The following SLC23A2 variants were observed in gnomAD, a reference collection of about 807,000 sequenced individuals.
SLC23A2 encodes solute carrier family 23 member 2, also known as Na(+)/L-ascorbic acid transporter 2.
Under a neutral mutation model 73.3 loss-of-function variants are expected in SLC23A2, and 36 were observed. The observed-to-expected ratio is 0.49, with a 90% CI of 0.38 to 0.65. The LOEUF (loss-of-function observed/expected upper bound fraction) is 0.65, where lower values mean the gene tolerates loss of function less well. Ranked by LOEUF, SLC23A2 falls within the 30% of genes least tolerant of loss-of-function variation. SLC23A2 has a pLI of 0.00. For synonymous variants in SLC23A2, 343 were observed against 327.3 expected (o/e 1.05, Z -0.52); for missense variants, 507 against 841.6 (o/e 0.60, Z 4.92).
chr20:4,944,038 T>C (rs564441125), intron 2 of SLC23A2, among the ~76,000 whole-genome samples: 1 of 152,350 alleles, frequency 6.6e-6, no homozygotes, highest in South Asian at 2.1e-4. Context: ...TTTGGAATGA[T>C]AGAAATCTAC....
At chr20:4,877,571 G>A (rs1307619094) in intron 9 of SLC23A2, among the ~76,000 whole-genome samples, 1 of 152,138 alleles carries the variant, frequency 6.6e-6, no homozygotes, top group Non-Finnish European at 1.5e-5. Context: ...TAACAATCAT[G>A]AGATTTTTTT....
At chr20:4,992,531 G>A (rs548854212) in intron 1 of SLC23A2, among the ~76,000 whole-genome samples, 5 of 140,828 alleles carry the variant, frequency 3.6e-5, no homozygotes, top group African/African-American at 1.0e-4. Flanking sequence ...TTTTGGAGAC[G>A]GAGTTTTTCG....
At chr20:4,971,405 TG>T (rs2087558904) in intron 1 of SLC23A2, among the ~76,000 whole-genome samples, 1 of 151,810 alleles carries the variant, frequency 6.6e-6, no homozygotes, top group South Asian at 2.1e-4. Context: ...GAGAATCACC[TG>T]AGCCCAGGAG....
At chr20:4,921,088 T>C (rs1932487083) in intron 3 of SLC23A2, among the ~76,000 whole-genome samples, 1 of 152,226 alleles carries the variant, frequency 6.6e-6, no homozygotes, top group Non-Finnish European at 1.5e-5. Context: ...TGTTATTTAT[T>C]ATAGCAAAGC....
At chr20:4,928,805 C>G (rs1160738899) in intron 3 of SLC23A2, among the ~76,000 whole-genome samples, 1 of 152,206 alleles carries the variant, frequency 6.6e-6, no homozygotes, top group East Asian at 1.9e-4. Context: ...TCCCAGCTCC[C>G]ATGCTCTCAC....
intron 3 of SLC23A2, among the ~76,000 whole-genome samples, chr20:4,915,933 G>T (rs1932307217): frequency 6.6e-6 from 1 of 152,138 alleles, no homozygotes; most frequent in African/African-American, 2.4e-5. Context: ...GGTCAACAGA[G>T]CGAGACTCCA....
intron 8 of SLC23A2, among the ~76,000 whole-genome samples, chr20:4,884,306 G>A (rs1332203231): frequency 3.9e-5 from 6 of 152,192 alleles, no homozygotes; most frequent in African/African-American, 1.4e-4. Flanking sequence ...CACACGTTTT[G>A]GAAAATATTA....
intron 1 of SLC23A2, among the ~76,000 whole-genome samples, chr20:4,993,410 G>GAAA (rs3055956): frequency 1.6e-5 from 2 of 121,532 alleles, no homozygotes; most frequent in Non-Finnish European, 3.4e-5. Flanking sequence ...GCCAAAATCC[G>GAAA]AAAAAAAAAA....
intron 4 of SLC23A2, among the ~76,000 whole-genome samples, chr20:4,906,305 C>T (rs922330125): frequency 1.3e-5 from 2 of 152,156 alleles, no homozygotes; most frequent in Non-Finnish European, 2.9e-5. Context: ...TGCCACTGCA[C>T]TCCAGCCTAG....
At position 4,994,035 on chromosome 20, in the gene SLC23A2, G is replaced by C. The variant is rs1175793697; in HGVS notation, c.-282+7371C>G. Among the ~76,000 whole-genome samples, 3 of 152,256 alleles carry C rather than the reference G, an allele frequency of 2.0e-5. No individual in the cohort carries two copies. In the East Asian group the frequency reaches 5.8e-4, roughly 29 times the overall value. ...AGCCCGGGAGGCAGAAGCTGCAAGT[G>C]AGCAGAGATCTCACCACTGCACTCC... is the stretch of plus-strand genomic sequence containing the variant. On this transcript the variant is annotated intron_variant, in intron 1 of 16. Transcript: ENST00000338244.
At chr20:4,971,893 T>A (rs560339069) in intron 1 of SLC23A2, among the ~76,000 whole-genome samples, 13 of 152,124 alleles carry the variant, frequency 8.5e-5, no homozygotes, top group Non-Finnish European at 1.2e-4. Flanking sequence ...AAAAAATAAA[T>A]AAATAAGTCA....
At chr20:4,996,120 A>C (rs1254601153) in intron 1 of SLC23A2, among the ~76,000 whole-genome samples, 2 of 152,180 alleles carry the variant, frequency 1.3e-5, no homozygotes, top group Non-Finnish European at 2.9e-5. Context: ...CCAATGCATA[A>C]TCAATACCTA....
At chr20:4,950,073 C>T (rs969387400) in intron 2 of SLC23A2, among the ~76,000 whole-genome samples, 4 of 152,166 alleles carry the variant, frequency 2.6e-5, no homozygotes, top group Admixed American at 6.5e-5. Flanking sequence ...AGCCACCACC[C>T]GGTTACAAAC....
intron 6 of SLC23A2, among the ~76,000 whole-genome samples, chr20:4,891,164 G>A (rs924981258): frequency 2.0e-5 from 3 of 152,200 alleles, no homozygotes; most frequent in Non-Finnish European, 2.9e-5. Flanking sequence ...GGGGAGGGGA[G>A]GTAGGGGAAG....
At chr20:4,950,092 C>T (rs79046951) in intron 2 of SLC23A2, among the ~76,000 whole-genome samples, 2,543 of 152,308 alleles carry the variant, frequency 0.017, 70 homozygotes, top group African/African-American at 0.058. Context: ...ACAGTTACTG[C>T]ATGCCTCTAT....
At chr20:4,942,043 C>G (rs778102565) in intron 2 of SLC23A2, among the ~76,000 whole-genome samples, 7 of 152,078 alleles carry the variant, frequency 4.6e-5, no homozygotes, top group Non-Finnish European at 8.8e-5. Context: ...AATTTCACCC[C>G]TAAGAGCCTC....
chr20:4,943,223 T>C (rs1459215382), intron 2 of SLC23A2, among the ~76,000 whole-genome samples: 1 of 151,930 alleles, frequency 6.6e-6, no homozygotes, highest in Non-Finnish European at 1.5e-5. Flanking sequence ...ACTGAATAAA[T>C]ACTATATCAG....
intron 1 of SLC23A2, among the ~76,000 whole-genome samples, chr20:4,983,377 T>C (rs540435161): frequency 1.3e-5 from 2 of 152,092 alleles, no homozygotes; most frequent in East Asian, 3.9e-4. Flanking sequence ...CTGGGCGCAG[T>C]GGCTCACGCC....
intron 1 of SLC23A2, among the ~76,000 whole-genome samples, chr20:4,972,874 A>G (rs1305764353): frequency 5.9e-5 from 9 of 152,172 alleles, no homozygotes; most frequent in Non-Finnish European, 1.5e-5. Context: ...ACAAGCCACT[A>G]TGCCAAGCCT....
Sources: gnomAD v4.1 joint callset for allele counts (sites outside exome capture counted in the v4.1 genomes callset) on GRCh38, gnomAD v4.1.1 for gene constraint, MANE v1.5 for transcripts, NCBI Gene and HGNC (gene_info 2026-07-23, HGNC 2026-07-21) for gene names.